The following LTN1 variants were observed in gnomAD, a reference collection of about 807,000 sequenced individuals.
LTN1 encodes the protein listerin E3 ubiquitin protein ligase 1.
In LTN1, 88 loss-of-function variants were observed where a neutral mutation model predicts 201.2. That is an observed-to-expected ratio of 0.44 (90% CI 0.37 to 0.52). The LOEUF (loss-of-function observed/expected upper bound fraction) is 0.52, where lower values mean the gene tolerates loss of function less well. Ranked by LOEUF, LTN1 falls within the 20% of genes least tolerant of loss-of-function variation. The probability of loss-of-function intolerance (pLI) is 0.00; values close to 1 mark genes in which losing one functional copy is unlikely to be tolerated. For synonymous variants in LTN1, 645 were observed against 713.5 expected (o/e 0.90, Z 1.53); for missense variants, 1,752 against 2,038.7 (o/e 0.86, Z 2.71).
intron 8 of LTN1, 21 bp from the exon 9 acceptor site, chr21:28,969,622 G>A (rs2084557008): frequency 3.9e-6 from 6 of 1,542,424 alleles, no homozygotes; most frequent in East Asian, 2.3e-5. Context: ...ATTAATAACT[G>A]GATTACTCTT....
chr21:28,942,290 C>T (rs2084303216), intron 24 of LTN1, among the ~76,000 whole-genome samples: 1 of 152,160 alleles, frequency 6.6e-6, no homozygotes, highest in African/African-American at 2.4e-5. Context: ...TCACATTGCC[C>T]TCCATGCATT....
In LTN1 at chr21:28,946,039, T is replaced by C. The variant is rs558775361; in HGVS notation, c.3624-88A>G. Reference sequence around the variant, plus strand: ...GCTACTTTAAATCTTACATACTTATTTATAACTGACTTAAATGTCTACCAT... The same window carrying C: ...GCTACTTTAAATCTTACATACTTATCTATAACTGACTTAAATGTCTACCAT... On this transcript the variant is annotated intron_variant, in intron 20 of 29. Coordinates refer to ENST00000361371, the MANE Select transcript of LTN1 (RefSeq NM_015565.3). The C allele has an allele frequency of 2.9e-5, 42 of 1,431,178 alleles. No homozygotes were observed. In the African/African-American group the frequency reaches 5.9e-4, roughly 20 times the overall value. The allele number at this position is 1,431,178 out of a possible 1,614,324, so 88.7% of individuals were successfully genotyped here. A position where few individuals can be genotyped will look rare whatever the true frequency, so the allele number is the denominator to read the frequency against.
intron 3 of LTN1, 48 bp from the exon 4 acceptor site, chr21:28,984,970 C>T (rs372866333): frequency 2.2e-6 from 3 of 1,373,388 alleles, no homozygotes; most frequent in African/African-American, 2.9e-5. Context: ...CCCATAAAAA[C>T]AATCACAGAC....
At chr21:28,985,225 C>G (rs927067378) in intron 3 of LTN1, among the ~76,000 whole-genome samples, 1 of 151,984 alleles carries the variant, frequency 6.6e-6, no homozygotes, top group Non-Finnish European at 1.5e-5. Context: ...TTTCGGTGGC[C>G]GAGGCAGGCG....
intron 11 of LTN1, chr21:28,964,576 C>T (rs989063894): frequency 1.8e-5 from 28 of 1,520,230 alleles, no homozygotes; most frequent in South Asian, 1.5e-4. Flanking sequence ...ACTGAACTTA[C>T]GATGTCTCTG....
At chr21:28,955,909 C>T (rs1475609821) in intron 16 of LTN1, among the ~76,000 whole-genome samples, 1 of 113,246 alleles carries the variant, frequency 8.8e-6, no homozygotes, top group Non-Finnish European at 1.6e-5. Flanking sequence ...GGCAACAGAG[C>T]GAGACTCTGT....
At chr21:28,955,277 G>A (rs2084415376) in intron 16 of LTN1, among the ~76,000 whole-genome samples, 1 of 151,846 alleles carries the variant, frequency 6.6e-6, no homozygotes, top group South Asian at 2.1e-4. Context: ...ACCTGTCTGG[G>A]CAACATAGTA....
At chr21:28,936,752 T>A in intron 25 of LTN1, 55 bp from the exon 26 acceptor site, 1 of 1,379,228 alleles carries the variant, frequency 7.3e-7, no homozygotes, top group Non-Finnish European at 1.0e-6. Flanking sequence ...ACAATTGGTA[T>A]AAAAGAACAA....
chr21:28,971,435 C>G lies in LTN1; in HGVS notation c.820G>C (p.Ala274Pro). The change falls in exon 7 of 30, where the codon GCT becomes CCT. Residue 274 changes from alanine (A) to proline (P), a missense_variant. Coordinates refer to ENST00000361371, the MANE Select transcript of LTN1 (RefSeq NM_015565.3). Reference protein sequence around the residue: ...GKHSVPQIRSAYFELVSALCQ... With the variant: ...GKHSVPQIRSPYFELVSALCQ... ...AATGCAGAGACTAACTCAAAATAAGCTGAGCGAATCTAAAAGAATGCAAAG... is the reference window on the plus strand; with the variant it reads ...AATGCAGAGACTAACTCAAAATAAGGTGAGCGAATCTAAAAGAATGCAAAG... The G allele has an allele frequency of 6.2e-7, 1 of 1,612,208 alleles. No homozygotes were observed. The highest frequency in any genetic ancestry group is 8.5e-7 in the Non-Finnish European group (1 of 1,179,336).
At chr21:28,978,929 T>C (rs1305414987) in intron 6 of LTN1, among the ~76,000 whole-genome samples, 1 of 152,254 alleles carries the variant, frequency 6.6e-6, no homozygotes, top group Non-Finnish European at 1.5e-5. Context: ...CCTGAATTCC[T>C]ATTAGGCTGA....
intron 18 of LTN1, among the ~76,000 whole-genome samples, chr21:28,948,837 C>A (rs1310360168): frequency 2.0e-5 from 3 of 152,090 alleles, no homozygotes; most frequent in African/African-American, 7.2e-5. Context: ...CATAATGCTG[C>A]AATAAATATC....
rs191091550 is a variant in LTN1 at position 28,941,154 on chromosome 21, G to C, written c.4482+66C>G. 1.8e-5 allele frequency: 18 copies of C among 1,022,878 alleles called. No homozygotes were observed. The East Asian group carries it at 4.6e-4, about 26-fold the overall frequency. The allele number at this position is 1,022,878 out of a possible 1,614,324, so 63.4% of individuals were successfully genotyped here. ...TTCCTTTTATTAAACTGAAAGGAAG[G>C]TATTTAGAACAGTATCAGAAGCATA... On this transcript the variant is annotated intron_variant, in intron 25 of 29. Transcript: ENST00000361371.
chr21:28,930,359 T>TGGCTTCCCCACATCCACACTTTCAGAC lies in LTN1; in HGVS notation c.*62_*88dup, dbSNP rs1601156525. On this transcript the variant is annotated 3_prime_UTR_variant, in exon 30 of 30. Coordinates refer to ENST00000361371, the MANE Select transcript of LTN1 (RefSeq NM_015565.3). ...GGTCCTATTTAAAAGTAATGCTCACTGGCTTCCCCACATCCACACTTTCAG... is the reference window on the plus strand; with the variant it reads ...GGTCCTATTTAAAAGTAATGCTCACTGGCTTCCCCACATCCACACTTTCAGACGGCTTCCCCACATCCACACTTTCAG... 3.8e-5 allele frequency: 35 copies of TGGCTTCCCCACATCCACACTTTCAGAC among 916,810 alleles called. No individual in the cohort carries two copies. The East Asian group carries it at 9.1e-4, about 24-fold the overall frequency. 56.8% of individuals were successfully genotyped at this position (916,810 alleles called of 1,614,324 possible). A position where few individuals can be genotyped will look rare whatever the true frequency, so the allele number is the denominator to read the frequency against.
intron 13 of LTN1, 146 bp downstream of exon 13, chr21:28,959,312 A>C: frequency 1.2e-6 from 1 of 864,920 alleles, no homozygotes; most frequent in Non-Finnish European, 1.8e-6. Context: ...TAGAGCTGAA[A>C]GTGTTTAAGA....
chr21:28,959,774 T>A, intron 12 of LTN1, 77 bp from the exon 13 acceptor site: 1 of 1,220,138 alleles, frequency 8.2e-7, no homozygotes. Context: ...TTTGGATTAA[T>A]AATTCTATGG....
intron 26 of LTN1, among the ~76,000 whole-genome samples, chr21:28,935,606 C>T (rs2084249191): frequency 1.3e-5 from 2 of 151,996 alleles, no homozygotes; most frequent in Middle Eastern, 3.4e-3. Flanking sequence ...TTTGGGAGGC[C>T]GAGGTGGGTG....
chr21:28,935,748 G>A (rs922885175), intron 26 of LTN1, among the ~76,000 whole-genome samples: 14 of 151,282 alleles, frequency 9.3e-5, no homozygotes, highest in Non-Finnish European at 1.9e-4. Context: ...GCTGAGGCAG[G>A]AGAATGGCAT....
chr21:28,928,788 G>A lies in LTN1; in HGVS notation c.*1660C>T, dbSNP rs1156493273. 6.6e-6 allele frequency: 1 copy of A among 152,146 alleles called. No individual in the cohort carries two copies. The highest frequency in any genetic ancestry group is 6.6e-5 in the Admixed American group (1 of 15,246). 9.4% of individuals were successfully genotyped at this position (152,146 alleles called of 1,614,324 possible). On this transcript the variant is annotated 3_prime_UTR_variant, in exon 30 of 30. Transcript: ENST00000361371. ...TATTCCATTTTCTTTTCTGCTTGGG[G>A]TTTGGGCCAGAAGCCAAGATGTACC...
chr21:28,968,956 C>T (rs2084549585), intron 9 of LTN1, among the ~76,000 whole-genome samples: 1 of 150,668 alleles, frequency 6.6e-6, no homozygotes, highest in Non-Finnish European at 1.5e-5. Flanking sequence ...CGCGGTGGCT[C>T]ACACCTGTAA....
Sources: allele counts gnomAD v4.1 joint callset (sites outside exome capture counted in the v4.1 genomes callset), GRCh38; gene constraint gnomAD v4.1.1; transcripts MANE v1.5; gene names NCBI Gene and HGNC (gene_info 2026-07-23, HGNC 2026-07-21).